The following TLR4 variants were observed in gnomAD, a reference collection of about 807,000 sequenced individuals.
TLR4 encodes toll-like receptor 4.
In TLR4, 17 loss-of-function variants were observed where a neutral mutation model predicts 27.4. The observed-to-expected ratio is 0.62, with a 90% CI of 0.42 to 0.93. The LOEUF (loss-of-function observed/expected upper bound fraction) is 0.93, where lower values mean the gene tolerates loss of function less well. TLR4 is among the 40% of genes least tolerant of loss of function. TLR4 has a pLI of 0.00. For synonymous variants in TLR4, 363 were observed against 365.7 expected (o/e 0.99, Z 0.08); for missense variants, 926 against 962.3 (o/e 0.96, Z 0.50).
At chr9:117,705,540 C>G (rs902832408) in intron 1 of TLR4, among the ~76,000 whole-genome samples, 2 of 152,136 alleles carry the variant, frequency 1.3e-5, no homozygotes, top group African/African-American at 4.8e-5. Context: ...AGGCTCACTG[C>G]GAGATAAAAC....
intron 1 of TLR4, among the ~76,000 whole-genome samples, chr9:117,706,376 TTTTG>T (rs1829135979): frequency 6.6e-6 from 1 of 152,196 alleles, no homozygotes; most frequent in Non-Finnish European, 1.5e-5. Context: ...CATTTTATAT[TTTTG>T]TTTGTTTATT....
rs201589239 is a variant in TLR4, at chr9:117,708,586, A to C, written c.117A>C (p.Gln39His). The change falls in exon 2 of 3, where the codon CAA becomes CAC. Residue 39 changes from glutamine (Q) to histidine (H), a missense_variant. Coordinates refer to ENST00000355622, the MANE Select transcript of TLR4 (RefSeq NM_138554.5). Reference protein sequence around the residue: ...CVEVVPNITYQCMELNFYKIP... With the variant: ...CVEVVPNITYHCMELNFYKIP... ...AGGTGGTTCCTAATATTACTTATCA[A>C]TGCATGGAGCTGAATTTCTACAAAA... The C allele has an allele frequency of 1.9e-5, 31 of 1,613,824 alleles. No homozygotes were observed. The African/African-American group carries it at 3.3e-4, about 17-fold the overall frequency.
Position 117,712,786 on chromosome 9 carries a change from C to T in TLR4, c.658C>T (p.Pro220Ser), listed in dbSNP as rs1829258203. The change falls in exon 3 of 3, where the codon CCA becomes TCA. Residue 220 changes from proline (P) to serine (S), a missense_variant. By Grantham distance (74) the Pro-to-Ser change is moderately conservative. Transcript: ENST00000355622. ...LSLNPMNFIQ[P>S]GAFKEIRLHK... ...CCTGAACCCTATGAACTTTATCCAA[C>T]CAGGTGCATTTAAAGAAATTAGGCT... is the stretch of plus-strand genomic sequence containing the variant. 2 of 1,613,832 alleles carry T rather than the reference C, an allele frequency of 1.2e-6. No individual in the cohort carries two copies. The highest frequency in any genetic ancestry group is 1.7e-6 in the Non-Finnish European group (2 of 1,179,994).
rs757953593 is a variant in TLR4, at chr9:117,712,868, T to C, written c.740T>C (p.Ile247Thr). The change falls in exon 3 of 3, where the codon ATT becomes ACT. Residue 247 changes from isoleucine (I) to threonine (T), a missense_variant. Ile to Thr is a moderately conservative substitution (Grantham distance 89). Coordinates refer to ENST00000355622, the MANE Select transcript of TLR4 (RefSeq NM_138554.5). ...FDSLNVMKTC[I>T]QGLAGLEVHR... is the part of the protein sequence containing the mutation. ...AGTTTAAATGTAATGAAAACTTGTA[T>C]TCAAGGTCTGGCTGGTTTAGAAGTC... The C allele has an allele frequency of 5.0e-6, 8 of 1,613,964 alleles. No individual in the cohort carries two copies. The Admixed American group carries it at 6.7e-5, about 13-fold the overall frequency.
In TLR4 at chr9:117,718,604, T is replaced by G. The variant is rs1260910271; in HGVS notation, c.*3956T>G. On this transcript the variant is annotated 3_prime_UTR_variant, in exon 3 of 3. Transcript: ENST00000355622. ...GGAGAAAGCCAAAACTCAAATTCAC[T>G]CCTTATCAACTGTGTGCCTTGGGCT... 1 of 152,076 alleles carries G rather than the reference T, an allele frequency of 6.6e-6. No individual in the cohort carries two copies. Among genetic ancestry groups the G allele is most frequent in the Non-Finnish European group, 1.5e-5 (1 of 68,030 alleles). The allele number at this position is 152,076 out of a possible 1,614,324, so 9.4% of individuals were successfully genotyped here.
rs200713994 is a variant in TLR4, at chr9:117,713,156, G to T, written c.1028G>T (p.Gly343Val). The change falls in exon 3 of 3, where the codon GGA becomes GTA. Residue 343 changes from glycine to valine, a missense_variant. By Grantham distance (109) the Gly-to-Val change is moderately radical (BLOSUM62 -3). Coordinates refer to ENST00000355622, the MANE Select transcript of TLR4 (RefSeq NM_138554.5). ...QHLELVNCKF[G>V]QFPTLKLKSL... ...TTAGAATTAGTTAACTGTAAATTTG[G>T]ACAGTTTCCCACATTGAAACTCAAA... is the stretch of plus-strand genomic sequence containing the variant. The T allele has an allele frequency of 4.5e-5, 73 of 1,613,690 alleles. No homozygotes were observed. The highest frequency in any genetic ancestry group is 2.3e-4 in the African/African-American group (17 of 74,988).
intron 1 of TLR4, chr9:117,708,351 T>C: frequency 7.3e-7 from 1 of 1,378,904 alleles, no homozygotes; most frequent in Non-Finnish European, 9.4e-7. Context: ...AGGTGCTCTT[T>C]ACTTTCTAAT....
Position 117,717,554 on chromosome 9 carries a change from A to T in TLR4, c.*2906A>T, listed in dbSNP as rs1382795986. 1 of 152,128 alleles carries T rather than the reference A, an allele frequency of 6.6e-6. No homozygotes were observed. Among genetic ancestry groups the T allele is most frequent in the Non-Finnish European group, 1.5e-5 (1 of 68,014 alleles). 9.4% of individuals were successfully genotyped at this position (152,128 alleles called of 1,614,324 possible). A position where few individuals can be genotyped will look rare whatever the true frequency, so the allele number is the denominator to read the frequency against. ...ACTGACCATGAAACCTGGGAAAGTG[A>T]AACTGTGGATAAGTGAGGAACTAAC... On this transcript the variant is annotated 3_prime_UTR_variant, in exon 3 of 3. Transcript: ENST00000355622.
At position 117,712,794 on chromosome 9, in the gene TLR4, A is replaced by G. The variant is rs1030337136; in HGVS notation, c.666A>G (p.Ala222=). The part of the protein sequence containing the change: ...LNPMNFIQPG[A]FKEIRLHKLT... ...CTATGAACTTTATCCAACCAGGTGC[A>G]TTTAAAGAAATTAGGCTTCATAAGC... Residue 222 remains alanine, a synonymous_variant, in exon 3 of 3, where the codon GCA becomes GCG. Coordinates refer to ENST00000355622, the MANE Select transcript of TLR4 (RefSeq NM_138554.5). 2.5e-6 allele frequency: 4 copies of G among 1,614,072 alleles called. No homozygotes were observed. Among genetic ancestry groups the G allele is most frequent in the Non-Finnish European group, 3.4e-6 (4 of 1,180,014 alleles).
Position 117,714,324 on chromosome 9 carries a change from G to T in TLR4, c.2196G>T (p.Lys732Asn), listed in dbSNP as rs769601560. The change falls in exon 3 of 3, where the codon AAG becomes AAT. Residue 732 changes from lysine to asparagine, a missense_variant. Coordinates refer to ENST00000355622, the MANE Select transcript of TLR4 (RefSeq NM_138554.5). ...ATGAAGGTTTCCATAAAAGCCGAAA[G>T]GTGATTGTTGTGGTGTCCCAGCACT... Reference protein sequence around the residue: ...IIHEGFHKSRKVIVVVSQHFI... With the variant: ...IIHEGFHKSRNVIVVVSQHFI... The T allele has an allele frequency of 1.3e-6, 2 of 1,597,504 alleles. No individual in the cohort carries two copies. Among genetic ancestry groups the T allele is most frequent in the Admixed American group, 1.7e-5 (1 of 59,472 alleles).
intron 1 of TLR4, among the ~76,000 whole-genome samples, chr9:117,707,627 A>G (rs918338270): frequency 2.6e-5 from 4 of 152,216 alleles, no homozygotes; most frequent in African/African-American, 9.6e-5. Context: ...CTTACAAAGA[A>G]TGTGGGAAAG....
At chr9:117,710,502 A>T (rs189044391) in intron 2 of TLR4, among the ~76,000 whole-genome samples, 3 of 149,004 alleles carry the variant, frequency 2.0e-5, no homozygotes, top group Non-Finnish European at 3.0e-5. Context: ...AATGTCTCTT[A>T]TGTAATTCAT....
At position 117,720,584 on chromosome 9, in the gene TLR4, T is replaced by G. The variant is rs546993700; in HGVS notation, c.*5936T>G. 2.0e-5 allele frequency: 3 copies of G among 152,346 alleles called. No homozygotes were observed. The South Asian group carries it at 6.2e-4, about 32-fold the overall frequency. 9.4% of individuals were successfully genotyped at this position (152,346 alleles called of 1,614,324 possible). ...AAAGGTTTAGAAATGACGTGATGTT[T>G]ATGAGAGAAGTGTTTTGTTGAAAAT... On this transcript the variant is annotated 3_prime_UTR_variant, in exon 3 of 3. Transcript: ENST00000355622.
chr9:117,706,807 C>T (rs890483613), intron 1 of TLR4, among the ~76,000 whole-genome samples: 2 of 152,174 alleles, frequency 1.3e-5, no homozygotes, highest in Admixed American at 1.3e-4. Flanking sequence ...TATTTTATGG[C>T]CCCTTGAGAT....
At position 117,721,704 on chromosome 9, in the gene TLR4, A is replaced by G. The variant is rs1205114828; in HGVS notation, c.*7056A>G. The G allele has an allele frequency of 1.3e-5, 2 of 152,208 alleles. No individual in the cohort carries two copies. Among genetic ancestry groups the G allele is most frequent in the African/African-American group, 2.4e-5 (1 of 41,454 alleles). 9.4% of individuals were successfully genotyped at this position (152,208 alleles called of 1,614,324 possible). On this transcript the variant is annotated 3_prime_UTR_variant, in exon 3 of 3. Coordinates refer to ENST00000355622, the MANE Select transcript of TLR4 (RefSeq NM_138554.5). ...ATCAGAGGTTAGTCCTAAGGAATTT[A>G]TATTTTAAAATATTCTCCCAGTTTT...
At chr9:117,708,326 T>C (rs909597909) in intron 1 of TLR4, 9 of 1,318,954 alleles carry the variant, frequency 6.8e-6, no homozygotes, top group Non-Finnish European at 8.8e-6. Flanking sequence ...GAGGTTAGAA[T>C]GCTGAGCACG....
At position 117,723,919 on chromosome 9, in the gene TLR4, GTGCCTCT is replaced by G. The variant is rs1331094182; in HGVS notation, c.*9273_*9279del. The stretch of plus-strand genomic sequence containing the variant: ...TCACAGAGGTACCATTCGACCCCTT[GTGCCTCT>G]TACCATATGTGAATGCTTGTCAGTT... On this transcript the variant is annotated 3_prime_UTR_variant, in exon 3 of 3. Transcript: ENST00000355622. 6.6e-6 allele frequency: 1 copy of G among 152,136 alleles called. No homozygotes were observed. Among genetic ancestry groups the G allele is most frequent in the East Asian group, 1.9e-4 (1 of 5,188 alleles). The allele number at this position is 152,136 out of a possible 1,614,324, so 9.4% of individuals were successfully genotyped here.
rs375640953 is a variant in TLR4 at position 117,705,757 on chromosome 9, G to A, written c.93+1192G>A. On this transcript the variant is annotated intron_variant, in intron 1 of 2. Coordinates refer to ENST00000355622, the MANE Select transcript of TLR4 (RefSeq NM_138554.5). ...TCTTGTTTGTTATGTACTTGCATTT[G>A]TTGTTATTATTTTTCCTTAGGCTTC... Among the ~76,000 whole-genome samples, 48 of 151,992 alleles carry A rather than the reference G, an allele frequency of 3.2e-4. No homozygotes were observed. In the East Asian group the frequency reaches 5.0e-3, roughly 16 times the overall value.
chr9:117,704,625 T>G, intron 1 of TLR4, 60 bp downstream of exon 1: 8 of 1,418,098 alleles, frequency 5.6e-6, no homozygotes, highest in Non-Finnish European at 6.0e-6. Flanking sequence ...AACTTCTCAC[T>G]GTGTGCCCTG....
Sources: gnomAD v4.1 joint callset for allele counts (sites outside exome capture counted in the v4.1 genomes callset) on GRCh38, gnomAD v4.1.1 for gene constraint, MANE v1.5 for transcripts, NCBI Gene and HGNC (gene_info 2026-07-23, HGNC 2026-07-21) for gene names.